DOK5: variants seen among roughly 807,000 people sequenced by gnomAD.
DOK5 encodes the protein downstream of tyrosine kinase 5.
A neutral mutation model predicts 43.3 loss-of-function variants in DOK5; 27 were observed. The observed-to-expected ratio is 0.62, with a 90% CI of 0.46 to 0.86. The LOEUF (loss-of-function observed/expected upper bound fraction) is 0.86, where lower values mean the gene tolerates loss of function less well. DOK5 is among the 40% of genes least tolerant of loss of function. DOK5 has a pLI of 0.00. For synonymous variants in DOK5, 146 were observed against 140.1 expected (o/e 1.04, Z -0.30); for missense variants, 373 against 392.9 (o/e 0.95, Z 0.43).
intron 1 of DOK5, among the ~76,000 whole-genome samples, chr20:54,530,460 G>A (rs1983731395): frequency 1.3e-5 from 2 of 152,140 alleles, no homozygotes; most frequent in South Asian, 2.1e-4. Context: ...CACCTTTAAA[G>A]AAGAAACATT....
At chr20:54,622,321 G>T (rs1306166192) in intron 6 of DOK5, among the ~76,000 whole-genome samples, 2 of 152,186 alleles carry the variant, frequency 1.3e-5, no homozygotes, top group South Asian at 2.1e-4. Flanking sequence ...ATGAAACTCA[G>T]GCTTCTTCCT....
At chr20:54,565,704 G>A (rs938685165) in intron 2 of DOK5, among the ~76,000 whole-genome samples, 4 of 152,094 alleles carry the variant, frequency 2.6e-5, no homozygotes, top group African/African-American at 9.7e-5. Context: ...TCACCTGTAG[G>A]TTCTTGTATC....
rs553310419 is a variant in DOK5 at position 54,582,568 on chromosome 20, C to T, written c.175-5915C>T. Among the ~76,000 whole-genome samples the T allele has an allele frequency of 3.2e-4, 48 of 151,650 alleles. 1 individual carries two copies. The highest frequency in any genetic ancestry group is 1.1e-3 in the African/African-American group (47 of 41,488). ...TAATTATTGAATCCCTTAATAGTTA[C>T]AGGTTTGTTCCAAGTTTCTATTTCT... is the stretch of plus-strand genomic sequence containing the variant. On this transcript the variant is annotated intron_variant, in intron 2 of 7. Coordinates refer to ENST00000262593, the MANE Select transcript of DOK5 (RefSeq NM_018431.5).
chr20:54,632,418 A>C (rs77056771), intron 6 of DOK5, among the ~76,000 whole-genome samples: 3,896 of 152,340 alleles, frequency 0.026, 162 homozygotes, highest in African/African-American at 0.089. Context: ...CTTGTTCAGA[A>C]ATTCTTGTTA....
intron 5 of DOK5, among the ~76,000 whole-genome samples, chr20:54,605,132 C>CAG: frequency 6.8e-6 from 1 of 147,882 alleles, no homozygotes; most frequent in African/African-American, 2.5e-5. Context: ...CACACAAACA[C>CAG]ACACAGAGAG....
chr20:54,512,524 C>T (rs1391064650), intron 1 of DOK5, among the ~76,000 whole-genome samples: 1 of 152,152 alleles, frequency 6.6e-6, no homozygotes, highest in Non-Finnish European at 1.5e-5. Context: ...ATGGTAACAG[C>T]AGCCTACAGT....
intron 1 of DOK5, among the ~76,000 whole-genome samples, chr20:54,532,459 G>C (rs1319242762): frequency 1.3e-5 from 2 of 152,184 alleles, no homozygotes; most frequent in East Asian, 3.9e-4. Flanking sequence ...GTGTGGAATG[G>C]GAAGATTGTT....
chr20:54,545,003 A>T (rs1984290602), intron 1 of DOK5, among the ~76,000 whole-genome samples: 1 of 152,160 alleles, frequency 6.6e-6, no homozygotes, highest in Non-Finnish European at 1.5e-5. Flanking sequence ...GGTCTTTCAT[A>T]AGTTTTACAA....
At chr20:54,550,541 C>T (rs1984494987) in intron 1 of DOK5, among the ~76,000 whole-genome samples, 2 of 152,188 alleles carry the variant, frequency 1.3e-5, no homozygotes, top group Admixed American at 6.5e-5. Context: ...TCCCTCTCTC[C>T]TCCACCACCA....
At chr20:54,507,981 A>G (rs186452007) in intron 1 of DOK5, among the ~76,000 whole-genome samples, 29 of 152,298 alleles carry the variant, frequency 1.9e-4, no homozygotes, top group Admixed American at 4.6e-4. Flanking sequence ...ACTGCTATGC[A>G]GAGAGTAGAA....
At chr20:54,485,733 A>C (rs1485020052) in intron 1 of DOK5, among the ~76,000 whole-genome samples, 1 of 152,226 alleles carries the variant, frequency 6.6e-6, no homozygotes, top group Non-Finnish European at 1.5e-5. Context: ...GAAACTGCTG[A>C]ACCGTTTTCT....
intron 1 of DOK5, among the ~76,000 whole-genome samples, chr20:54,479,955 G>T: frequency 6.6e-6 from 1 of 152,024 alleles, no homozygotes; most frequent in Non-Finnish European, 1.5e-5. Flanking sequence ...AATATATCTA[G>T]AATCCGGCTG....
rs1981395070 is a variant in DOK5, at chr20:54,475,789, G to C, written c.-158G>C. ...TCAGGGTTGGGGGGACAGAGAAAGT[G>C]ATGTGCGCCTTCTAAAGCCTCGCCC... On this transcript the variant is annotated 5_prime_UTR_variant, in exon 1 of 8. Transcript: ENST00000262593. The surrounding 1 kb of genome is among the most constrained non-coding windows in gnomAD (Gnocchi z 4.2). The C allele has an allele frequency of 9.6e-6, 8 of 836,506 alleles. No individual in the cohort carries two copies. The highest frequency in any genetic ancestry group is 4.5e-5 in the Admixed American group (2 of 44,556). The allele number at this position is 836,506 out of a possible 1,614,324, so 51.8% of individuals were successfully genotyped here.
chr20:54,600,654 C>T (rs1395168769), intron 5 of DOK5, among the ~76,000 whole-genome samples: 1 of 152,292 alleles, frequency 6.6e-6, no homozygotes, highest in Non-Finnish European at 1.5e-5. Context: ...CTACATGCCC[C>T]TAAGCCACCA....
At chr20:54,621,919 G>A (rs932794665) in intron 6 of DOK5, among the ~76,000 whole-genome samples, 2 of 152,024 alleles carry the variant, frequency 1.3e-5, no homozygotes, top group African/African-American at 4.8e-5. Flanking sequence ...AATGGGCTGG[G>A]CACTGCAGCT....
intron 6 of DOK5, among the ~76,000 whole-genome samples, chr20:54,626,733 A>G (rs944060924): frequency 6.6e-6 from 1 of 152,142 alleles, no homozygotes; most frequent in African/African-American, 2.4e-5. Context: ...GCAATTGTTT[A>G]TTTTACAAAA....
At chr20:54,479,962 G>T (rs1450633580) in intron 1 of DOK5, among the ~76,000 whole-genome samples, 1 of 151,902 alleles carries the variant, frequency 6.6e-6, no homozygotes, top group Non-Finnish European at 1.5e-5. Flanking sequence ...CTAGAATCCG[G>T]CTGTCACCTC....
chr20:54,480,758 C>G (rs1302022364), intron 1 of DOK5, among the ~76,000 whole-genome samples: 1 of 152,066 alleles, frequency 6.6e-6, no homozygotes, highest in African/African-American at 2.4e-5. Context: ...GCCATGAGGC[C>G]CTATGCTGCC....
rs376103510 is a variant in DOK5 at position 54,525,999 on chromosome 20, C to T, written c.67-28934C>T. The stretch of plus-strand genomic sequence containing the variant: ...ATTTTTTCATGCCAGCTTCCAGTGA[C>T]AGGCTGCATAGTTTATTTTCTGTGG... On this transcript the variant is annotated intron_variant, in intron 1 of 7. Coordinates refer to ENST00000262593, the MANE Select transcript of DOK5 (RefSeq NM_018431.5). Among the ~76,000 whole-genome samples the T allele has an allele frequency of 5.9e-5, 9 of 152,290 alleles. 3 individuals carry two copies. The highest frequency in any genetic ancestry group is 1.3e-4 in the Admixed American group (2 of 15,294).
Sources: allele counts gnomAD v4.1 joint callset (sites outside exome capture counted in the v4.1 genomes callset), GRCh38; gene constraint gnomAD v4.1.1; non-coding constraint Gnocchi (gnomAD v3.1); transcripts MANE v1.5; gene names NCBI Gene and HGNC (gene_info 2026-07-23, HGNC 2026-07-21).